Variants in MARCHF1 observed in about 807,000 individuals in gnomAD.
The protein encoded by MARCHF1 is membrane associated ring-CH-type finger 1, also known as E3 ubiquitin-protein ligase MARCHF1.
Under a neutral mutation model 54.2 loss-of-function variants are expected in MARCHF1, and 40 were observed. That is an observed-to-expected ratio of 0.74 (90% CI 0.57 to 0.96). The LOEUF is 0.96. MARCHF1 is among the 40% of genes least tolerant of loss of function. The probability of loss-of-function intolerance (pLI) is 0.00; values close to 1 mark genes in which losing one functional copy is unlikely to be tolerated. For missense variants in MARCHF1, 586 were observed against 656.5 expected (o/e 0.89, Z 1.17); for synonymous variants, 236 against 236.3 (o/e 1.00, Z 0.01).
At chr4:164,086,713 A>T (rs969289008) in intron 2 of MARCHF1, among the ~76,000 whole-genome samples, 3 of 152,190 alleles carry the variant, frequency 2.0e-5, no homozygotes, top group East Asian at 3.9e-4. Context: ...AATGGACATT[A>T]AATGAAAATG....
chr4:163,814,809 A>G (rs576629518), intron 4 of MARCHF1, among the ~76,000 whole-genome samples: 2 of 152,380 alleles, frequency 1.3e-5, no homozygotes, highest in African/African-American at 4.8e-5. Context: ...CAATAGAACT[A>G]TCAATGCTAC....
chr4:163,667,568 T>A (rs1168261448), intron 5 of MARCHF1, among the ~76,000 whole-genome samples: 2 of 152,096 alleles, frequency 1.3e-5, no homozygotes, highest in African/African-American at 2.4e-5. Context: ...AGGGGAGATC[T>A]CTGTCAGTTT....
At chr4:163,640,540 A>G (rs1308209966) in intron 5 of MARCHF1, among the ~76,000 whole-genome samples, 1 of 152,180 alleles carries the variant, frequency 6.6e-6, no homozygotes, top group African/African-American at 2.4e-5. Flanking sequence ...TAAGATATCA[A>G]CTTTCACTAC....
intron 1 of MARCHF1, among the ~76,000 whole-genome samples, chr4:164,193,421 C>T (rs185169667): frequency 2.4e-4 from 37 of 152,090 alleles, no homozygotes; most frequent in Non-Finnish European, 4.7e-4. Flanking sequence ...TCCAATTCCA[C>T]GGCCATTGGA....
chr4:164,003,746 G>T (rs1753230786), intron 2 of MARCHF1, among the ~76,000 whole-genome samples: 1 of 151,980 alleles, frequency 6.6e-6, no homozygotes, highest in African/African-American at 2.4e-5. Context: ...CAAGGATCTG[G>T]AACCAGAAAT....
chr4:164,328,353 A>G (rs1735337237), intron 1 of MARCHF1, among the ~76,000 whole-genome samples: 1 of 152,156 alleles, frequency 6.6e-6, no homozygotes, highest in African/African-American at 2.4e-5. Flanking sequence ...TATCAAAAAT[A>G]AGGAGATTAT....
At chr4:163,930,309 C>A (rs1017282823) in intron 3 of MARCHF1, among the ~76,000 whole-genome samples, 1 of 151,602 alleles carries the variant, frequency 6.6e-6, no homozygotes, top group African/African-American at 2.4e-5. Flanking sequence ...TAGAATTAAA[C>A]CCCTTTGGGG....
chr4:163,950,634 T>C (rs1402643219), intron 3 of MARCHF1, among the ~76,000 whole-genome samples: 1 of 152,144 alleles, frequency 6.6e-6, no homozygotes, highest in Non-Finnish European at 1.5e-5. Flanking sequence ...CCGTGGGGCA[T>C]ACAGCCCCAT....
intron 1 of MARCHF1, among the ~76,000 whole-genome samples, chr4:164,242,142 T>G (rs1183571514): frequency 6.6e-6 from 1 of 151,586 alleles, no homozygotes; most frequent in Non-Finnish European, 1.5e-5. Flanking sequence ...CAAGGAGGCC[T>G]GCCTGCCTCT....
At chr4:164,350,648 G>GA (rs200563671) in intron 1 of MARCHF1, among the ~76,000 whole-genome samples, 1 of 152,024 alleles carries the variant, frequency 6.6e-6, no homozygotes, top group African/African-American at 2.4e-5. Context: ...TCAACTAAAA[G>GA]AAAAAGAAAA....
chr4:163,728,908 A>G (rs1401648378), intron 4 of MARCHF1, among the ~76,000 whole-genome samples: 3 of 152,218 alleles, frequency 2.0e-5, no homozygotes, highest in Non-Finnish European at 4.4e-5. Context: ...ATTTCTCACC[A>G]TTAAGTATGA....
At chr4:164,134,696 T>C (rs1756366263) in intron 1 of MARCHF1, among the ~76,000 whole-genome samples, 1 of 152,112 alleles carries the variant, frequency 6.6e-6, no homozygotes, top group Non-Finnish European at 1.5e-5. Flanking sequence ...ACCTGAGGAC[T>C]GTATACTGGT....
At chr4:163,554,774 G>T (rs1401914250) in intron 8 of MARCHF1, among the ~76,000 whole-genome samples, 3 of 152,112 alleles carry the variant, frequency 2.0e-5, no homozygotes, top group Non-Finnish European at 4.4e-5. Context: ...TAAATTCAAA[G>T]CTACCAAATT....
At chr4:164,232,184 T>G (rs1732431664) in intron 1 of MARCHF1, among the ~76,000 whole-genome samples, 1 of 152,152 alleles carries the variant, frequency 6.6e-6, no homozygotes, top group East Asian at 1.9e-4. Context: ...ATTCATCATT[T>G]TTTTTCTAAT....
At chr4:164,061,312 T>G (rs1180072580) in intron 2 of MARCHF1, among the ~76,000 whole-genome samples, 2 of 151,950 alleles carry the variant, frequency 1.3e-5, no homozygotes, top group Non-Finnish European at 2.9e-5. Flanking sequence ...CTTTCCCCAC[T>G]TTTATTATTT....
At chr4:163,979,426 G>A (rs1201360794) in intron 3 of MARCHF1, among the ~76,000 whole-genome samples, 5 of 145,104 alleles carry the variant, frequency 3.4e-5, no homozygotes, top group African/African-American at 1.3e-4. Context: ...TATCATTGTT[G>A]GACATTTGGG....
chr4:163,632,353 T>C (rs570359215), intron 5 of MARCHF1, among the ~76,000 whole-genome samples: 3 of 151,970 alleles, frequency 2.0e-5, no homozygotes, highest in Non-Finnish European at 2.9e-5. Context: ...TCTCACTAGG[T>C]AGTGCCAGAC....
chr4:164,240,236 G>C (rs533614266), intron 1 of MARCHF1, among the ~76,000 whole-genome samples: 3 of 152,090 alleles, frequency 2.0e-5, no homozygotes, highest in Non-Finnish European at 4.4e-5. Flanking sequence ...ACAAATTCTC[G>C]AATTTTTCTA....
intron 4 of MARCHF1, among the ~76,000 whole-genome samples, chr4:163,715,468 G>T (rs1000638960): frequency 6.6e-6 from 1 of 152,106 alleles, no homozygotes; most frequent in Non-Finnish European, 1.5e-5. Flanking sequence ...AATGTTACCT[G>T]AACTTCTAGT....
Sources: allele counts gnomAD v4.1 joint callset (sites outside exome capture counted in the v4.1 genomes callset), GRCh38; gene constraint gnomAD v4.1.1; transcripts MANE v1.5; gene names NCBI Gene and HGNC (gene_info 2026-07-23, HGNC 2026-07-21).